Variants in TECRL observed in about 807,000 individuals in gnomAD.
The protein encoded by TECRL is trans-2,3-enoyl-CoA reductase like.
In TECRL, 63 loss-of-function variants were observed where a neutral mutation model predicts 52.8. That is an observed-to-expected ratio of 1.19 (90% CI 0.97 to 1.47). TECRL has a LOEUF of 1.47. TECRL is among the 40% of genes most tolerant of loss of function. TECRL has a pLI of 0.00. For missense variants in TECRL, 482 were observed against 429.6 expected (o/e 1.12, Z -1.08); for synonymous variants, 164 against 141.9 (o/e 1.16, Z -1.10).
At chr4:64,283,554 G>T (rs554704681) in intron 9 of TECRL, among the ~76,000 whole-genome samples, 1 of 152,104 alleles carries the variant, frequency 6.6e-6, no homozygotes, top group Non-Finnish European at 1.5e-5. Flanking sequence ...TTACAAGTGG[G>T]ACTGAATGGC....
At chr4:64,404,305 G>A (rs1041699463) in intron 1 of TECRL, among the ~76,000 whole-genome samples, 1 of 150,994 alleles carries the variant, frequency 6.6e-6, no homozygotes, top group East Asian at 1.9e-4. Flanking sequence ...AGAATGAGAT[G>A]ATATTGGAAA....
rs111540300 is a variant in TECRL, at chr4:64,325,595, T to A, written c.332-2803A>T. ...ATAGCAATACAAAACTTTCACAATA[T>A]GGATCAAGGTGAAGGCTTTGATATC... On this transcript the variant is annotated intron_variant, in intron 3 of 11. Transcript: ENST00000381210. Among the ~76,000 whole-genome samples the A allele has an allele frequency of 9.0e-3, 1,375 of 152,260 alleles. 20 individuals carry two copies. Among genetic ancestry groups the A allele is most frequent in the African/African-American group, 0.03 (1,258 of 41,566 alleles).
intron 2 of TECRL, among the ~76,000 whole-genome samples, chr4:64,356,846 T>G (rs962640502): frequency 9.2e-5 from 14 of 152,246 alleles, no homozygotes; most frequent in African/African-American, 3.1e-4. Flanking sequence ...TACCCACAGG[T>G]GTGGAGGGGC....
intron 9 of TECRL, among the ~76,000 whole-genome samples, chr4:64,288,338 T>C (rs1365765066): frequency 1.3e-5 from 2 of 151,958 alleles, no homozygotes; most frequent in African/African-American, 4.8e-5. Flanking sequence ...CATTGACAAA[T>C]TGAGATGAAT....
chr4:64,319,311 A>AG (rs1717730479), intron 4 of TECRL, among the ~76,000 whole-genome samples: 1 of 143,474 alleles, frequency 7.0e-6, no homozygotes, highest in Non-Finnish European at 1.5e-5. Context: ...CAATAAAAAT[A>AG]GGGTATCATT....
At chr4:64,334,939 T>C (rs1007057409) in intron 2 of TECRL, among the ~76,000 whole-genome samples, 12 of 152,128 alleles carry the variant, frequency 7.9e-5, no homozygotes, top group African/African-American at 2.9e-4. Context: ...CATAACTATG[T>C]CCCCATTTAC....
intron 1 of TECRL, among the ~76,000 whole-genome samples, chr4:64,393,033 TATCA>T (rs1199441670): frequency 6.6e-6 from 1 of 151,960 alleles, no homozygotes; most frequent in East Asian, 1.9e-4. Flanking sequence ...GGTGCTGTAG[TATCA>T]TTTGTGCTTG....
intron 2 of TECRL, among the ~76,000 whole-genome samples, chr4:64,352,657 T>C (rs1265638159): frequency 3.3e-5 from 5 of 152,218 alleles, no homozygotes; most frequent in Non-Finnish European, 5.9e-5. Context: ...TTACTTCCTC[T>C]ATAGTAAAAT....
chr4:64,368,679 A>T (rs968791866), intron 2 of TECRL, among the ~76,000 whole-genome samples: 2 of 151,956 alleles, frequency 1.3e-5, no homozygotes, highest in Non-Finnish European at 1.5e-5. Context: ...TTATTTTTTT[A>T]AAGTATTCTG....
At chr4:64,372,282 C>A (rs1456602162) in intron 2 of TECRL, among the ~76,000 whole-genome samples, 2 of 151,752 alleles carry the variant, frequency 1.3e-5, no homozygotes, top group African/African-American at 4.8e-5. Flanking sequence ...ACATTTCATG[C>A]ATTTTAGCTG....
chr4:64,281,476 C>T lies in TECRL; in HGVS notation c.916G>A (p.Glu306Lys), dbSNP rs1722824697. 1 of 1,578,810 alleles carries T rather than the reference C, an allele frequency of 6.3e-7. No homozygotes were observed. The highest frequency in any genetic ancestry group is 8.7e-7 in the Non-Finnish European group (1 of 1,152,656). ...FLVSCPNYTY[E>K]IGSWISFTVM... ...ATTTACATACATAAATAACATACCT[C>T]ATAGGTGTAGTTAGGACATGAAACC... The change falls in exon 10 of 12, where the codon GAG (glutamate) becomes AAG (lysine). Residue 306 changes from glutamate (E) to lysine (K), a missense_variant and splice_region_variant. Coordinates refer to ENST00000381210, the MANE Select transcript of TECRL (RefSeq NM_001010874.5).
At chr4:64,405,713 A>G (rs1401147885) in intron 1 of TECRL, among the ~76,000 whole-genome samples, 4 of 152,120 alleles carry the variant, frequency 2.6e-5, no homozygotes, top group Non-Finnish European at 5.9e-5. Context: ...ATTATTGTAG[A>G]GGAGGAGAAG....
At chr4:64,359,741 T>C (rs1721044436) in intron 2 of TECRL, among the ~76,000 whole-genome samples, 1 of 152,084 alleles carries the variant, frequency 6.6e-6, no homozygotes, top group Non-Finnish European at 1.5e-5. Context: ...TAATAAGAGT[T>C]TGATCTCCTG....
intron 2 of TECRL, among the ~76,000 whole-genome samples, chr4:64,339,620 T>C (rs1272992830): frequency 1.3e-5 from 2 of 152,134 alleles, no homozygotes; most frequent in African/African-American, 4.8e-5. Context: ...TACTTATCAA[T>C]GTTGATGATT....
At chr4:64,344,912 T>A (rs1380394592) in intron 2 of TECRL, among the ~76,000 whole-genome samples, 4 of 152,166 alleles carry the variant, frequency 2.6e-5, no homozygotes, top group Admixed American at 2.6e-4. Context: ...GGAGGTTAAA[T>A]CAATCCATCA....
intron 2 of TECRL, among the ~76,000 whole-genome samples, chr4:64,336,471 T>C (rs953469706): frequency 2.6e-5 from 4 of 152,202 alleles, no homozygotes; most frequent in Non-Finnish European, 5.9e-5. Context: ...CCTGGATACA[T>C]TGATTTTTTG....
chr4:64,280,092 T>C lies in TECRL; in HGVS notation c.1072A>G (p.Met358Val). The C allele has an allele frequency of 1.3e-6, 2 of 1,595,220 alleles. No homozygotes were observed. The highest frequency in any genetic ancestry group is 1.8e-5 in the Admixed American group (1 of 55,254). The change falls in exon 12 of 12, where the codon ATG becomes GTG. Residue 358 changes from methionine to valine, a missense_variant. Coordinates refer to ENST00000381210, the MANE Select transcript of TECRL (RefSeq NM_001010874.5). ...FNSYIHRKSA[M>V]IPFIL Reference sequence around the variant, plus strand: ...TTTTTTTACAATATGAATGGAATCATTGCTGATTTTCTATGAATATATGAA... The same window carrying C: ...TTTTTTTACAATATGAATGGAATCACTGCTGATTTTCTATGAATATATGAA...
At chr4:64,343,661 G>A (rs749136960) in intron 2 of TECRL, among the ~76,000 whole-genome samples, 25 of 151,884 alleles carry the variant, frequency 1.6e-4, no homozygotes, top group Middle Eastern at 3.4e-3. Context: ...ATCAATTCTG[G>A]TAAATAGAAT....
At chr4:64,345,809 T>G in intron 2 of TECRL, among the ~76,000 whole-genome samples, 2 of 148,142 alleles carry the variant, frequency 1.4e-5, no homozygotes, top group South Asian at 4.2e-4. Context: ...ATAGAAGAAC[T>G]GTATGGTTGC....
Sources: allele counts gnomAD v4.1 joint callset (sites outside exome capture counted in the v4.1 genomes callset), GRCh38; gene constraint gnomAD v4.1.1; transcripts MANE v1.5; gene names NCBI Gene and HGNC (gene_info 2026-07-23, HGNC 2026-07-21).